Variants in RAPGEF5 observed in about 807,000 individuals in gnomAD.
RAPGEF5 encodes M-Ras-regulated GEF.
In RAPGEF5, 65 loss-of-function variants were observed where a neutral mutation model predicts 125.2. The ratio of observed to expected loss-of-function variants is 0.52; its 90% CI spans 0.43 to 0.64. The LOEUF (loss-of-function observed/expected upper bound fraction) is 0.64, where lower values mean the gene tolerates loss of function less well. Among genes scored for constraint, RAPGEF5 ranks in the 30% least tolerant of loss-of-function variants. RAPGEF5 has a pLI of 0.00. For synonymous variants in RAPGEF5, 391 were observed against 385.9 expected (o/e 1.01, Z -0.16); for missense variants, 958 against 1,048.1 (o/e 0.91, Z 1.19).
intron 7 of RAPGEF5, among the ~76,000 whole-genome samples, chr7:22,261,698 AT>A (rs1445873325): frequency 1.3e-5 from 2 of 152,222 alleles, no homozygotes; most frequent in Non-Finnish European, 2.9e-5. Flanking sequence ...ATATTGTAGT[AT>A]TGATGGATAC....
chr7:22,234,481 C>A (rs1562774881), intron 7 of RAPGEF5, among the ~76,000 whole-genome samples: 1 of 152,176 alleles, frequency 6.6e-6, no homozygotes, highest in South Asian at 2.1e-4. Context: ...CAAACCATCT[C>A]CTTATCTCTC....
intron 5 of RAPGEF5, among the ~76,000 whole-genome samples, chr7:22,304,574 G>A (rs972942268): frequency 3.3e-5 from 5 of 152,220 alleles, no homozygotes; most frequent in African/African-American, 4.8e-5. Flanking sequence ...TGGCGGAGAA[G>A]GAGGTGGAGT....
At chr7:22,160,827 G>C (rs549692441) in intron 13 of RAPGEF5, among the ~76,000 whole-genome samples, 2 of 152,284 alleles carry the variant, frequency 1.3e-5, no homozygotes, top group African/African-American at 4.8e-5. Flanking sequence ...AGGGCCATAG[G>C]TGGAAATTCT....
intron 16 of RAPGEF5, among the ~76,000 whole-genome samples, chr7:22,155,106 T>C (rs989592143): frequency 2.6e-5 from 4 of 152,350 alleles, no homozygotes; most frequent in Non-Finnish European, 1.5e-5. Context: ...AGAATTCTCA[T>C]AAGCTTATCT....
intron 5 of RAPGEF5, among the ~76,000 whole-genome samples, chr7:22,302,837 T>C (rs1266964681): frequency 7.9e-6 from 1 of 127,042 alleles, no homozygotes; most frequent in Admixed American, 9.9e-5. Context: ...AAACATCAGA[T>C]CACTTAGAGA....
At position 22,193,910 on chromosome 7, in the gene RAPGEF5, C is replaced by T. The variant is rs760756235; in HGVS notation, c.1115+5G>A. 2.7e-5 allele frequency: 44 copies of T among 1,613,336 alleles called. No homozygotes were observed. The highest frequency in any genetic ancestry group is 2.2e-4 in the South Asian group (20 of 90,988). ...GTGCCTCTGTGGCTGCAGGGAAACT[C>T]TCACCTCCAATGGCTCTCCGCACTC... On this transcript the variant is annotated splice_donor_5th_base_variant and intron_variant, in intron 10 of 25. Coordinates refer to ENST00000665637, the MANE Select transcript of RAPGEF5 (RefSeq NM_012294.5).
intron 18 of RAPGEF5, among the ~76,000 whole-genome samples, chr7:22,148,164 A>G (rs1228698792): frequency 6.6e-6 from 1 of 152,178 alleles, no homozygotes; most frequent in East Asian, 1.9e-4. Flanking sequence ...GAGGTTTCTC[A>G]GGGATTGGTC....
intron 11 of RAPGEF5, among the ~76,000 whole-genome samples, chr7:22,173,825 C>T (rs535211902): frequency 5.4e-4 from 63 of 116,162 alleles, no homozygotes; most frequent in African/African-American, 2.1e-3. Flanking sequence ...GAGCGGTGAG[C>T]GGCCTCATAG....
At chr7:22,333,747 A>G (rs962268545) in intron 1 of RAPGEF5, among the ~76,000 whole-genome samples, 1 of 152,240 alleles carries the variant, frequency 6.6e-6, no homozygotes, top group Non-Finnish European at 1.5e-5. Flanking sequence ...CTGTTTGTGT[A>G]AGCTCATATT....
chr7:22,162,550 G>C lies in RAPGEF5; in HGVS notation c.1284-9C>G, dbSNP rs1198766217. On this transcript the variant is annotated splice_polypyrimidine_tract_variant and intron_variant, in intron 12 of 25. Coordinates refer to ENST00000665637, the MANE Select transcript of RAPGEF5 (RefSeq NM_012294.5). ...ACTTCTTAGCAGAATAGGTGCAAAT[G>C]GTTAAGAAAAAATTATATTGTTGAA... 2 of 1,598,280 alleles carry C rather than the reference G, an allele frequency of 1.3e-6. No individual in the cohort carries two copies. The highest frequency in any genetic ancestry group is 4.5e-5 in the East Asian group (2 of 44,780).
chr7:22,133,323 C>T (rs1361625503), intron 23 of RAPGEF5, among the ~76,000 whole-genome samples: 4 of 151,936 alleles, frequency 2.6e-5, no homozygotes, highest in South Asian at 2.1e-4. Context: ...CTACAGGTTT[C>T]GATGCAGTTG....
intron 20 of RAPGEF5, among the ~76,000 whole-genome samples, chr7:22,144,486 C>T (rs552154546): frequency 6.6e-6 from 1 of 152,218 alleles, no homozygotes; most frequent in South Asian, 2.1e-4. Flanking sequence ...CCATTCCTGG[C>T]AAAGCCAACA....
At chr7:22,239,805 T>A (rs922657342) in intron 7 of RAPGEF5, among the ~76,000 whole-genome samples, 2 of 152,194 alleles carry the variant, frequency 1.3e-5, no homozygotes, top group African/African-American at 4.8e-5. Flanking sequence ...GTTCCTTTAA[T>A]TAGAGCATAA....
Position 22,162,280 on chromosome 7 carries a change from C to T in RAPGEF5, c.1428+117G>A, listed in dbSNP as rs913747861. On this transcript the variant is annotated intron_variant, in intron 13 of 25. Transcript: ENST00000665637. The stretch of plus-strand genomic sequence containing the variant: ...AACTTAAATATTCTCTGAATCACAA[C>T]TTGACTATCACAAGAAAGCTGAATG... The T allele has an allele frequency of 5.5e-6, 6 of 1,090,670 alleles. No individual in the cohort carries two copies. In the Admixed American group the frequency reaches 1.2e-4, roughly 23 times the overall value. The allele number at this position is 1,090,670 out of a possible 1,614,324, so 67.6% of individuals were successfully genotyped here.
intron 21 of RAPGEF5, chr7:22,139,677 C>A: frequency 5.6e-6 from 1 of 179,122 alleles, no homozygotes; most frequent in South Asian, 1.8e-4. Flanking sequence ...TGCCAGGGGC[C>A]CTGCAAGTGA....
chr7:22,119,324 C>T lies in RAPGEF5; in HGVS notation c.*3082G>A, dbSNP rs1157727269. The T allele has an allele frequency of 3.9e-5, 6 of 152,164 alleles. No homozygotes were observed. Among genetic ancestry groups the T allele is most frequent in the Admixed American group, 3.3e-4 (5 of 15,278 alleles). 9.4% of individuals were successfully genotyped at this position (152,164 alleles called of 1,614,324 possible). ...ATGCTTCTAAATTCGGTGTATGCTC[C>T]ACACTACCTGTTTGTGGTTCTCGGT... On this transcript the variant is annotated 3_prime_UTR_variant, in exon 26 of 26. Transcript: ENST00000665637. The surrounding 1 kb of genome is among the most constrained non-coding windows in gnomAD (Gnocchi z 4.1).
At chr7:22,324,909 G>T (rs960457603) in intron 1 of RAPGEF5, among the ~76,000 whole-genome samples, 1 of 152,100 alleles carries the variant, frequency 6.6e-6, no homozygotes, top group African/African-American at 2.4e-5. Context: ...CTTTAACCTA[G>T]TGATCCACAC....
intron 11 of RAPGEF5, among the ~76,000 whole-genome samples, chr7:22,173,433 A>C (rs993773490): frequency 5.3e-5 from 8 of 152,220 alleles, no homozygotes; most frequent in African/African-American, 1.9e-4. Flanking sequence ...AACATAACCA[A>C]ATCTTGAGAT....
intron 1 of RAPGEF5, among the ~76,000 whole-genome samples, chr7:22,331,622 G>A (rs527979471): frequency 2.0e-5 from 3 of 151,990 alleles, no homozygotes; most frequent in African/African-American, 7.2e-5. Flanking sequence ...GTGGGCGCCC[G>A]TAGTCCCAGC....
Sources: allele counts gnomAD v4.1 joint callset (sites outside exome capture counted in the v4.1 genomes callset), GRCh38; gene constraint gnomAD v4.1.1; non-coding constraint Gnocchi (gnomAD v3.1); transcripts MANE v1.5; gene names NCBI Gene and HGNC (gene_info 2026-07-23, HGNC 2026-07-21).